MYO18B: variants seen among roughly 807,000 people sequenced by gnomAD.
The protein encoded by MYO18B is unconventional myosin-XVIIIb.
In MYO18B, 204 loss-of-function variants were observed where a neutral mutation model predicts 273.0. That is an observed-to-expected ratio of 0.75 (90% CI 0.67 to 0.84). The LOEUF (loss-of-function observed/expected upper bound fraction) is 0.84, where lower values mean the gene tolerates loss of function less well. MYO18B is among the 40% of genes least tolerant of loss of function. MYO18B has a pLI of 0.00. For missense variants in MYO18B, 3,212 were observed against 3,287.6 expected (o/e 0.98, Z 0.56); for synonymous variants, 1,330 against 1,305.7 (o/e 1.02, Z -0.40).
intron 31 of MYO18B, among the ~76,000 whole-genome samples, chr22:25,904,657 A>G (rs192675529): frequency 9.1e-4 from 139 of 152,338 alleles, no homozygotes; most frequent in African/African-American, 2.8e-3. Flanking sequence ...TACCAGATGA[A>G]TACTTTATTT....
chr22:25,941,355 C>G (rs1011964620), intron 34 of MYO18B, among the ~76,000 whole-genome samples: 5 of 152,162 alleles, frequency 3.3e-5, no homozygotes, highest in African/African-American at 1.2e-4. Flanking sequence ...GTCACACTGG[C>G]CACAAGGGTT....
At chr22:25,823,842 G>A (rs1404613959) in intron 13 of MYO18B, among the ~76,000 whole-genome samples, 164 bp downstream of exon 13, 1 of 152,208 alleles carries the variant, frequency 6.6e-6, no homozygotes, top group Admixed American at 6.5e-5. Flanking sequence ...AAAGGGACCG[G>A]TCAATGCTAA....
At chr22:25,826,596 T>G (rs937298362) in intron 14 of MYO18B, 97 bp downstream of exon 14, 13 of 1,101,246 alleles carry the variant, frequency 1.2e-5, no homozygotes, top group Non-Finnish European at 1.6e-5. Flanking sequence ...GTTTTTGAGC[T>G]GGCGAGAGGG....
chr22:25,940,242 G>A (rs1168803543), intron 34 of MYO18B, among the ~76,000 whole-genome samples: 2 of 152,130 alleles, frequency 1.3e-5, no homozygotes, highest in Non-Finnish European at 2.9e-5. Context: ...ATCTTGGGGA[G>A]CAAGTCTTTC....
At chr22:25,840,578 T>G (rs1285584376) in intron 17 of MYO18B, among the ~76,000 whole-genome samples, 2 of 152,382 alleles carry the variant, frequency 1.3e-5, no homozygotes, top group South Asian at 4.1e-4. Context: ...GGATGACGCC[T>G]GGCACAGCTG....
At chr22:25,960,965 A>C (rs2092911914) in intron 39 of MYO18B, among the ~76,000 whole-genome samples, 1 of 152,132 alleles carries the variant, frequency 6.6e-6, no homozygotes, top group Non-Finnish European at 1.5e-5. Context: ...CCTCGGCAAC[A>C]TAGCAAGACC....
intron 39 of MYO18B, among the ~76,000 whole-genome samples, chr22:25,990,497 C>T (rs187495364): frequency 5.3e-5 from 8 of 152,000 alleles, no homozygotes; most frequent in Middle Eastern, 3.4e-3. Flanking sequence ...ACCAGCCTGG[C>T]GAACGTGGTG....
chr22:26,014,412 T>TA (rs2083880652), intron 42 of MYO18B, among the ~76,000 whole-genome samples: 7 of 152,224 alleles, frequency 4.6e-5, no homozygotes, highest in Admixed American at 4.6e-4. Context: ...CCATATTAAT[T>TA]ATTCTTTCAG....
At chr22:25,823,755 A>C in intron 13 of MYO18B, 77 bp downstream of exon 13, 1 of 1,448,912 alleles carries the variant, frequency 6.9e-7, no homozygotes, top group South Asian at 1.2e-5. Flanking sequence ...GCATTCTTTA[A>C]CTTTTTTATC....
chr22:25,818,790 T>C (rs550508565), intron 12 of MYO18B, among the ~76,000 whole-genome samples: 1 of 152,270 alleles, frequency 6.6e-6, no homozygotes, highest in Non-Finnish European at 1.5e-5. Context: ...GAGCACCTTT[T>C]CTGGGCCAGG....
In MYO18B at chr22:25,902,609, A is replaced by G. The variant is rs376932912; in HGVS notation, c.4824-4A>G. On this transcript the variant is annotated splice_polypyrimidine_tract_variant and splice_region_variant and intron_variant, in intron 29 of 43. Transcript: ENST00000335473. Reference sequence around the variant, plus strand: ...GGCCCTGACACGTGCTCTGCTTTGCACAGGTTTGACCTGCAGCTGGCCCAG... The same window carrying G: ...GGCCCTGACACGTGCTCTGCTTTGCGCAGGTTTGACCTGCAGCTGGCCCAG... The G allele has an allele frequency of 2.6e-5, 42 of 1,606,402 alleles. 1 individual carries two copies. Among genetic ancestry groups the G allele is most frequent in the Admixed American group, 5.1e-5 (3 of 59,328 alleles).
intron 40 of MYO18B, among the ~76,000 whole-genome samples, chr22:25,993,820 A>G (rs1932943281): frequency 6.6e-6 from 1 of 152,222 alleles, no homozygotes; most frequent in Non-Finnish European, 1.5e-5. Flanking sequence ...TGTCTATATT[A>G]GAGCTGACTA....
intron 21 of MYO18B, among the ~76,000 whole-genome samples, chr22:25,854,120 G>T (rs2090501185): frequency 6.6e-6 from 1 of 152,084 alleles, no homozygotes; most frequent in Non-Finnish European, 1.5e-5. Flanking sequence ...TCATTGTCAG[G>T]GTGTAAAATG....
the MYO18B span, among the ~76,000 whole-genome samples, chr22:26,060,666 C>T: frequency 0.36 from 54,891 of 152,046 alleles, 13,699 homozygotes; most frequent in African/African-American, 0.71. Context: ...TTTATACATA[C>T]GCACACATGC....
At chr22:25,838,626 A>G (rs2089978318) in intron 17 of MYO18B, among the ~76,000 whole-genome samples, 1 of 152,184 alleles carries the variant, frequency 6.6e-6, no homozygotes, top group African/African-American at 2.4e-5. Context: ...GGTGGCTTAC[A>G]GTATTCAGTG....
chr22:25,919,926 A>T (rs1175988738), intron 33 of MYO18B, among the ~76,000 whole-genome samples: 1 of 152,180 alleles, frequency 6.6e-6, no homozygotes, highest in Non-Finnish European at 1.5e-5. Context: ...GGAATCCATT[A>T]TCACATCTGA....
intron 20 of MYO18B, among the ~76,000 whole-genome samples, chr22:25,848,878 C>T (rs903184334): frequency 2.0e-5 from 3 of 152,172 alleles, no homozygotes; most frequent in Non-Finnish European, 4.4e-5. Context: ...TCCGTGGTCA[C>T]TAGTGCCCTA....
chr22:25,829,537 A>G (rs980817692), intron 15 of MYO18B, among the ~76,000 whole-genome samples: 4 of 151,306 alleles, frequency 2.6e-5, no homozygotes, highest in Non-Finnish European at 4.4e-5. Flanking sequence ...AAAAAAAAAA[A>G]GAGGTTAAGT....
intron 34 of MYO18B, among the ~76,000 whole-genome samples, chr22:25,943,741 C>T (rs1424472087): frequency 1.7e-4 from 19 of 110,872 alleles, no homozygotes; most frequent in African/African-American, 4.5e-4. Context: ...TTTTCTGAGA[C>T]GGAGTTTCGG....
Sources: allele counts gnomAD v4.1 joint callset (sites outside exome capture counted in the v4.1 genomes callset), GRCh38; gene constraint gnomAD v4.1.1; transcripts MANE v1.5; gene names NCBI Gene and HGNC (gene_info 2026-07-23, HGNC 2026-07-21).